NPRL3: variants seen among roughly 807,000 people sequenced by gnomAD.
The protein encoded by NPRL3 is NPR3 like, GATOR1 complex subunit.
A neutral mutation model predicts 57.2 loss-of-function variants in NPRL3; 23 were observed. The observed-to-expected ratio is 0.40, with a 90% CI of 0.29 to 0.57. The LOEUF (loss-of-function observed/expected upper bound fraction) is 0.57, where lower values mean the gene tolerates loss of function less well. Ranked by LOEUF, NPRL3 falls within the 20% of genes least tolerant of loss-of-function variation. The pLI is 0.42. For missense variants in NPRL3, 691 were observed against 767.1 expected (o/e 0.90, Z 1.17); for synonymous variants, 333 against 321.1 (o/e 1.04, Z -0.39).
intron 7 of NPRL3, among the ~76,000 whole-genome samples, chr16:105,965 G>A (rs1899508364): frequency 6.6e-6 from 1 of 152,218 alleles, no homozygotes; most frequent in East Asian, 1.9e-4. Context: ...AGGTCCTGCA[G>A]GACAGGGCCA....
chr16:103,296 A>ATTTTGTTTTTTTTTTTTTT (rs1899381432), intron 7 of NPRL3, among the ~76,000 whole-genome samples: 1 of 42,110 alleles, frequency 2.4e-5, no homozygotes, highest in Admixed American at 3.2e-4. Context: ...GCCTGGGGTG[A>ATTTTGTTTTTTTTTTTTTT]TTTTTTTTTT....
At chr16:89,133 C>T (rs1410260396) in intron 12 of NPRL3, 9 of 531,846 alleles carry the variant, frequency 1.7e-5, no homozygotes, top group Admixed American at 9.4e-5. Context: ...AACAGAGGTG[C>T]GATGTGTGCC....
intron 3 of NPRL3, among the ~76,000 whole-genome samples, chr16:121,199 G>T (rs185754748): frequency 3.3e-5 from 5 of 152,174 alleles, no homozygotes; most frequent in Non-Finnish European, 7.3e-5. Flanking sequence ...GCAAGCAGTG[G>T]TAGCCCAGTT....
chr16:136,712 A>G (rs538859008), intron 2 of NPRL3, among the ~76,000 whole-genome samples: 1 of 151,696 alleles, frequency 6.6e-6, no homozygotes, highest in South Asian at 2.1e-4. Flanking sequence ...AGAAAAAAGA[A>G]ATACATACGC....
chr16:85,583 G>A lies in NPRL3; in HGVS notation c.*1122C>T, dbSNP rs866593837. 36 of 1,612,954 alleles carry A rather than the reference G, an allele frequency of 2.2e-5. No individual in the cohort carries two copies. The Admixed American group carries it at 4.5e-4, about 20-fold the overall frequency. On this transcript the variant is annotated 3_prime_UTR_variant, in exon 14 of 14. Coordinates refer to ENST00000611875, the MANE Select transcript of NPRL3 (RefSeq NM_001077350.3). ...CATCAACAAGAGCTTTGACCAGAGG[G>A]ACCTGGCACAGGATGAAGCTGTATG... is the stretch of plus-strand genomic sequence containing the variant.
chr16:104,256 G>A lies in NPRL3; in HGVS notation c.630-3747C>T, dbSNP rs1369147765. 5.9e-5 allele frequency among the ~76,000 whole-genome samples: 9 copies of A among 152,108 alleles called. No homozygotes were observed. The South Asian group carries it at 1.2e-3, about 21-fold the overall frequency. On this transcript the variant is annotated intron_variant, in intron 7 of 13. Transcript: ENST00000611875. The stretch of plus-strand genomic sequence containing the variant: ...TGCAGTGAGCCGAGATCGCGCCATT[G>A]CACTCCAGCCTGGGTGACAGAGCAA...
intron 7 of NPRL3, among the ~76,000 whole-genome samples, chr16:104,247 C>T (rs990260798): frequency 1.3e-5 from 2 of 151,960 alleles, no homozygotes; most frequent in African/African-American, 4.8e-5. Flanking sequence ...GAGCCGAGAT[C>T]GCGCCATTGC....
intron 7 of NPRL3, among the ~76,000 whole-genome samples, chr16:109,832 G>A (rs1341617875): frequency 3.3e-5 from 5 of 152,186 alleles, no homozygotes; most frequent in South Asian, 2.1e-4. Context: ...CTCTTCACAT[G>A]TTTGAACCAC....
intron 3 of NPRL3, among the ~76,000 whole-genome samples, chr16:128,041 G>A (rs1417594379): frequency 6.7e-6 from 1 of 148,584 alleles, no homozygotes; most frequent in Non-Finnish European, 1.5e-5. Context: ...GCCCAAACTG[G>A]AGTGCAGTGG....
intron 11 of NPRL3, chr16:90,502 A>G (rs1898718299): frequency 6.6e-6 from 1 of 152,588 alleles, no homozygotes; most frequent in Non-Finnish European, 1.5e-5. Flanking sequence ...GTGAGAAGGC[A>G]CGTCCTGGCC....
At position 86,319 on chromosome 16, in the gene NPRL3, G is replaced by A. The variant is rs892049858; in HGVS notation, c.*386C>T. On this transcript the variant is annotated 3_prime_UTR_variant, in exon 14 of 14. Transcript: ENST00000611875. ...AGTGTTTCTGCACATTCTTCAGGGT[G>A]GCCACAGACTGGGGGGTCCAAGGAG... is the stretch of plus-strand genomic sequence containing the variant. The A allele has an allele frequency of 4.7e-6, 1 of 210,748 alleles. No homozygotes were observed. Among genetic ancestry groups the A allele is most frequent in the Non-Finnish European group, 9.6e-6 (1 of 103,990 alleles). 13.1% of individuals were successfully genotyped at this position (210,748 alleles called of 1,614,324 possible). A position where few individuals can be genotyped will look rare whatever the true frequency, so the allele number is the denominator to read the frequency against.
chr16:117,449 G>T, intron 4 of NPRL3, 74 bp from the exon 5 acceptor site: 1 of 1,087,560 alleles, frequency 9.2e-7, no homozygotes, highest in Non-Finnish European at 1.4e-6. Context: ...TTCTACTTCA[G>T]GCATGGCAAA....
intron 9 of NPRL3, among the ~76,000 whole-genome samples, chr16:97,517 C>T (rs1899070414): frequency 6.6e-6 from 1 of 150,830 alleles, no homozygotes; most frequent in African/African-American, 2.4e-5. Context: ...AGCCACCGTG[C>T]CCAGCCTTGC....
intron 10 of NPRL3, 64 bp from the exon 11 acceptor site, chr16:92,789 C>A: frequency 6.3e-7 from 1 of 1,592,536 alleles, no homozygotes; most frequent in Non-Finnish European, 8.6e-7. Flanking sequence ...CAACACTGGC[C>A]TCAGTGGGCA....
intron 3 of NPRL3, among the ~76,000 whole-genome samples, chr16:120,526 C>T (rs1043732649): frequency 6.6e-6 from 1 of 152,170 alleles, no homozygotes; most frequent in African/African-American, 2.4e-5. Flanking sequence ...CTGTGGGGCT[C>T]AGACTGTTTT....
chr16:133,762 A>G (rs1300694809), intron 2 of NPRL3, among the ~76,000 whole-genome samples: 1 of 152,212 alleles, frequency 6.6e-6, no homozygotes, highest in African/African-American at 2.4e-5. Flanking sequence ...TTCAGCTTTC[A>G]ACATGCCTTC....
At chr16:104,010 AGG>A (rs1198971300) in intron 7 of NPRL3, among the ~76,000 whole-genome samples, 3 of 152,132 alleles carry the variant, frequency 2.0e-5, no homozygotes, top group Admixed American at 6.5e-5. Flanking sequence ...GCTACTTGGA[AGG>A]CTGAGGCAGG....
intron 3 of NPRL3, among the ~76,000 whole-genome samples, chr16:130,278 G>A (rs1379260312): frequency 6.6e-6 from 1 of 152,190 alleles, no homozygotes; most frequent in Non-Finnish European, 1.5e-5. Flanking sequence ...GGCCTCATCT[G>A]TGCTCTGACC....
intron 3 of NPRL3, among the ~76,000 whole-genome samples, chr16:119,674 AGGCCCTTCACCCACAGAGC>A (rs1320904215): frequency 2.0e-5 from 3 of 152,228 alleles, no homozygotes; most frequent in African/African-American, 7.2e-5. Context: ...CCCAGGACCC[AGGCCCTTCACCCACAGAGC>A]GGCCCTTCAC....
Sources: gnomAD v4.1 joint callset for allele counts (sites outside exome capture counted in the v4.1 genomes callset) on GRCh38, gnomAD v4.1.1 for gene constraint, MANE v1.5 for transcripts, NCBI Gene and HGNC (gene_info 2026-07-23, HGNC 2026-07-21) for gene names.